Variants in VPS13A observed in about 807,000 individuals in gnomAD.
VPS13A encodes the protein vacuolar protein sorting 13 homolog A, also known as intermembrane lipid transfer protein VPS13A.
In VPS13A, 264 loss-of-function variants were observed where a neutral mutation model predicts 390.9. The observed-to-expected ratio is 0.68, with a 90% confidence interval of 0.61 to 0.75. The LOEUF (loss-of-function observed/expected upper bound fraction) is 0.75. VPS13A is among the 30% of genes least tolerant of loss of function. The pLI, the probability that VPS13A is intolerant of heterozygous loss-of-function variation, is 0.00. For synonymous variants in VPS13A, 1,231 were observed against 1,227.1 expected, an observed-to-expected ratio of 1.00 and a Z score of -0.07; for missense variants, 3,409 against 3,733.9, an observed-to-expected ratio of 0.91 and a Z score of 2.27.
chr9:77,290,757 T>A (rs987407642), intron 31 of VPS13A, among the ~76,000 whole-genome samples: 4 of 152,242 alleles, frequency 2.6e-5, no homozygotes, highest in Non-Finnish European at 5.9e-5. Flanking sequence ...TATGTTACCA[T>A]GTTTTTTAAT....
chr9:77,372,707 A>G (rs1488730709), intron 67 of VPS13A, among the ~76,000 whole-genome samples: 2 of 152,196 alleles, frequency 1.3e-5, no homozygotes, highest in African/African-American at 4.8e-5. Flanking sequence ...CCCTGTTTGC[A>G]GACGACATGA....
In VPS13A at chr9:77,419,622, C is replaced by G. The variant is rs537079594; in HGVS notation, c.*3616C>G. On this transcript the variant is annotated 3_prime_UTR_variant, in exon 72 of 72. Coordinates refer to ENST00000360280, the MANE Select transcript of VPS13A (RefSeq NM_033305.3). Reference sequence around the variant, plus strand: ...AATATTTTTCTTCTCTGCTGTGTATCGGGCAACCTCACATGATTCAGTGGG... The same window carrying G: ...AATATTTTTCTTCTCTGCTGTGTATGGGGCAACCTCACATGATTCAGTGGG... The G allele has an allele frequency of 6.6e-6, 1 of 152,122 alleles. No homozygotes were observed. Among genetic ancestry groups the G allele is most frequent in the Non-Finnish European group, 1.5e-5 (1 of 68,036 alleles). The allele number at this position is 152,122 out of a possible 1,614,324, so 9.4% of individuals were successfully genotyped here. A position where few individuals can be genotyped will look rare whatever the true frequency, so the allele number is the denominator to read the frequency against.
intron 17 of VPS13A, among the ~76,000 whole-genome samples, chr9:77,237,280 T>G (rs1304856922): frequency 1.3e-5 from 2 of 152,128 alleles, no homozygotes; most frequent in Non-Finnish European, 2.9e-5. Context: ...TTTCCCTGTT[T>G]GGTTTGCTGG....
chr9:77,197,177 A>G (rs972647108), intron 1 of VPS13A, among the ~76,000 whole-genome samples: 7 of 152,160 alleles, frequency 4.6e-5, no homozygotes, highest in Admixed American at 2.0e-4. Context: ...CACTTGTTTT[A>G]TGACCTCACA....
chr9:77,318,727 C>A, intron 41 of VPS13A, 136 bp downstream of exon 41: 1 of 940,516 alleles, frequency 1.1e-6, no homozygotes, highest in Non-Finnish European at 1.6e-6. Context: ...GGGTCAAAAA[C>A]TTTTAGAAAA....
intron 19 of VPS13A, among the ~76,000 whole-genome samples, chr9:77,238,914 T>C (rs906079023): frequency 2.0e-5 from 3 of 152,164 alleles, no homozygotes; most frequent in Non-Finnish European, 4.4e-5. Flanking sequence ...ATTTTAATGC[T>C]TTGTAATTGG....
intron 39 of VPS13A, 138 bp from the exon 40 acceptor site, chr9:77,317,468 G>A: frequency 1.7e-6 from 1 of 579,380 alleles, no homozygotes. Flanking sequence ...TAATTAAGGA[G>A]TGTATTATTA....
chr9:77,368,626 G>A (rs1563965485), intron 62 of VPS13A, among the ~76,000 whole-genome samples: 1 of 151,956 alleles, frequency 6.6e-6, no homozygotes, highest in Non-Finnish European at 1.5e-5. Context: ...CAGGAGATTT[G>A]GATTTCTCCC....
chr9:77,291,644 A>G (rs1827671992), intron 31 of VPS13A, among the ~76,000 whole-genome samples: 1 of 152,146 alleles, frequency 6.6e-6, no homozygotes, highest in Non-Finnish European at 1.5e-5. Flanking sequence ...CTTGTACCTC[A>G]GAAAATTCTC....
intron 15 of VPS13A, 86 bp downstream of exon 15, chr9:77,226,684 A>G (rs1823536877): frequency 1.6e-6 from 2 of 1,260,702 alleles, no homozygotes; most frequent in Non-Finnish European, 2.2e-6. Context: ...AAGTAAATAG[A>G]CATTGAAATA....
chr9:77,226,256 A>G (rs939730280), intron 14 of VPS13A, among the ~76,000 whole-genome samples: 8 of 152,052 alleles, frequency 5.3e-5, no homozygotes, highest in African/African-American at 1.9e-4. Context: ...TTCAATCATC[A>G]TTTCTTATAA....
rs765620878 is a variant in VPS13A at position 77,282,195 on chromosome 9, C to T, written c.3039C>T (p.Ile1013=). Residue 1013 remains isoleucine, a synonymous_variant, in exon 29 of 72, where the codon ATC becomes ATT. Coordinates refer to ENST00000360280, the MANE Select transcript of VPS13A (RefSeq NM_033305.3). ...ATACAATAAATTATCTTCATAATAT[C>T]CTTCCGCAATCAGAGGAAAAATCAG... ...LLNTINYLHN[I]LPQSEEKSAP... 5.6e-6 allele frequency: 9 copies of T among 1,613,296 alleles called. No individual in the cohort carries two copies. Among genetic ancestry groups the T allele is most frequent in the South Asian group, 4.4e-5 (4 of 91,056 alleles).
chr9:77,258,049 G>A (rs1053770042), intron 22 of VPS13A, among the ~76,000 whole-genome samples: 5 of 152,160 alleles, frequency 3.3e-5, no homozygotes, highest in Admixed American at 2.6e-4. Context: ...CTGAAGCTAT[G>A]TGCCTGAGAT....
At position 77,283,381 on chromosome 9, in the gene VPS13A, A is replaced by G. The variant is rs763055003; in HGVS notation, c.3145A>G (p.Ile1049Val). Reference sequence around the variant, plus strand: ...TTTAAAACTATCCACAAATGAAGATATCATTACTTTGCAGATTTTAGCAGA... The same window carrying G: ...TTTAAAACTATCCACAAATGAAGATGTCATTACTTTGCAGATTTTAGCAGA... Reference protein sequence around the residue: ...LALKLSTNEDIITLQILAELS... With the variant: ...LALKLSTNEDVITLQILAELS... The change falls in exon 30 of 72, where the codon ATC (isoleucine) becomes GTC (valine). Residue 1049 changes from isoleucine to valine, a missense_variant. This residue lies in a region of VPS13A where 2,717 missense variants were observed against 2,917.4 expected (regional missense o/e 0.93). Transcript: ENST00000360280. 1 of 1,602,878 alleles carries G rather than the reference A, an allele frequency of 6.2e-7. No homozygotes were observed. Among genetic ancestry groups the G allele is most frequent in the Non-Finnish European group, 8.5e-7 (1 of 1,170,656 alleles).
chr9:77,344,285 A>G lies in VPS13A; in HGVS notation c.7155+4A>G. On this transcript the variant is annotated splice_donor_region_variant and intron_variant, in intron 51 of 71. Coordinates refer to ENST00000360280, the MANE Select transcript of VPS13A (RefSeq NM_033305.3). ...TCTATTGCGTCTAGATAACGAGGTA[A>G]GTTTTTTTTTCTTTTTTGCATGTGT... 3 of 1,612,992 alleles carry G rather than the reference A, an allele frequency of 1.9e-6. No homozygotes were observed. Among genetic ancestry groups the G allele is most frequent in the Non-Finnish European group, 2.5e-6 (3 of 1,179,440 alleles).
At chr9:77,270,449 T>G (rs531788690) in intron 23 of VPS13A, among the ~76,000 whole-genome samples, 5 of 152,280 alleles carry the variant, frequency 3.3e-5, no homozygotes, top group South Asian at 2.1e-4. Context: ...TCGTCTTATT[T>G]CTCATTGCAG....
At chr9:77,385,147 T>G (rs1833626785) in intron 68 of VPS13A, 4 of 953,658 alleles carry the variant, frequency 4.2e-6, no homozygotes, top group Middle Eastern at 1.1e-3. Context: ...TTAAAGATAT[T>G]TTTGTCAAAT....
chr9:77,254,965 A>T (rs184138285), intron 22 of VPS13A, among the ~76,000 whole-genome samples: 1 of 152,166 alleles, frequency 6.6e-6, no homozygotes, highest in East Asian at 1.9e-4. Context: ...TCCCTTTCTG[A>T]TATGGGTGCC....
chr9:77,264,128 C>G (rs1451107983), intron 23 of VPS13A, among the ~76,000 whole-genome samples: 1 of 152,100 alleles, frequency 6.6e-6, no homozygotes, highest in Non-Finnish European at 1.5e-5. Context: ...ATTTCTGAGG[C>G]CCCTGTTCTG....
Sources: gnomAD v4.1 joint callset for allele counts (sites outside exome capture counted in the v4.1 genomes callset) on GRCh38, gnomAD v4.1.1 for gene constraint, gnomAD v4.1.1 regional missense constraint, MANE v1.5 for transcripts, NCBI Gene and HGNC (gene_info 2026-07-23, HGNC 2026-07-21) for gene names.